The following SGCD variants were observed in gnomAD, a reference collection of about 807,000 sequenced individuals.
SGCD encodes delta-sarcoglycan.
SGCD carries 18 observed loss-of-function variants against 36.6 expected under a neutral mutation model. The observed-to-expected ratio is 0.49, with a 90% CI of 0.34 to 0.73. SGCD has a LOEUF of 0.73. SGCD is among the 30% of genes least tolerant of loss of function. The probability of loss-of-function intolerance (pLI) is 0.01; values close to 1 mark genes in which losing one functional copy is unlikely to be tolerated. For synonymous variants in SGCD, 133 were observed against 130.6 expected (o/e 1.02, Z -0.12); for missense variants, 387 against 346.7 (o/e 1.12, Z -0.92).
chr5:156,638,830 G>C (rs1048326090), intron 6 of SGCD, among the ~76,000 whole-genome samples: 1 of 151,858 alleles, frequency 6.6e-6, no homozygotes, highest in African/African-American at 2.4e-5. Flanking sequence ...GTTTTTATAC[G>C]TGAATCTTAA....
chr5:155,845,228 G>A, the SGCD span, among the ~76,000 whole-genome samples: 1 of 152,112 alleles, frequency 6.6e-6, no homozygotes, highest in Non-Finnish European at 1.5e-5. Context: ...TGAAGCACTT[G>A]GCATAGTCAT....
intron 3 of SGCD, among the ~76,000 whole-genome samples, chr5:156,395,223 CT>C (rs1442819690): frequency 1.3e-5 from 2 of 152,196 alleles, no homozygotes; most frequent in Non-Finnish European, 2.9e-5. Flanking sequence ...AAAGGGAAGA[CT>C]TTAGGAATGC....
chr5:156,666,889 G>C (rs985254674), intron 7 of SGCD, among the ~76,000 whole-genome samples: 1 of 152,198 alleles, frequency 6.6e-6, no homozygotes, highest in African/African-American at 2.4e-5. Context: ...CCCCACAGCA[G>C]TGAGTTGAGA....
chr5:156,653,493 C>CTTTT (rs111458843), intron 7 of SGCD, among the ~76,000 whole-genome samples: 4 of 48,108 alleles, frequency 8.3e-5, no homozygotes, highest in African/African-American at 1.3e-4. Flanking sequence ...CTAAAGCTTG[C>CTTTT]TTTTTTTTTT....
the SGCD span, among the ~76,000 whole-genome samples, chr5:155,730,986 G>A: frequency 6.6e-6 from 1 of 152,218 alleles, no homozygotes; most frequent in African/African-American, 2.4e-5. Flanking sequence ...ACATGCTGGA[G>A]CCTTGACGTT....
intron 6 of SGCD, among the ~76,000 whole-genome samples, chr5:156,643,018 T>C (rs1256170144): frequency 8.4e-6 from 1 of 119,248 alleles, no homozygotes; most frequent in Admixed American, 1.0e-4. Flanking sequence ...TTTTGGGGGG[T>C]TTTTTGTTTT....
At chr5:155,892,830 G>C (rs551129273) in intron 1 of SGCD, among the ~76,000 whole-genome samples, 243 of 152,258 alleles carry the variant, frequency 1.6e-3, no homozygotes, top group African/African-American at 5.2e-3. Flanking sequence ...TGGACAGTAA[G>C]GTTGATTAAG....
At chr5:156,304,030 G>A (rs1012692141) in intron 3 of SGCD, among the ~76,000 whole-genome samples, 13 of 152,058 alleles carry the variant, frequency 8.5e-5, no homozygotes, top group African/African-American at 2.7e-4. Flanking sequence ...CAGAGCACCA[G>A]TACTTGCACA....
At chr5:156,156,295 T>A (rs1762961921) in intron 3 of SGCD, among the ~76,000 whole-genome samples, 1 of 151,492 alleles carries the variant, frequency 6.6e-6, no homozygotes, top group African/African-American at 2.5e-5. Flanking sequence ...TCATTTCTCA[T>A]ATTCCCAAAT....
chr5:156,427,651 C>T (rs1252707028), intron 3 of SGCD, among the ~76,000 whole-genome samples: 1 of 152,106 alleles, frequency 6.6e-6, no homozygotes, highest in Non-Finnish European at 1.5e-5. Context: ...TTTCGCCATG[C>T]AGTCTGATGT....
At chr5:156,572,902 ACTC>A (rs1377816436) in intron 4 of SGCD, among the ~76,000 whole-genome samples, 14 of 151,952 alleles carry the variant, frequency 9.2e-5, no homozygotes, top group Middle Eastern at 3.4e-3. Context: ...CTACAAAATC[ACTC>A]CTCTTGTCTC....
chr5:156,567,143 G>C (rs10079506), intron 4 of SGCD, among the ~76,000 whole-genome samples: 6,373 of 152,114 alleles, frequency 0.042, 432 homozygotes, highest in African/African-American at 0.14. Flanking sequence ...TTTTCTCTTG[G>C]TTAAACTCCC....
chr5:156,361,867 G>A (rs1354039329), intron 3 of SGCD, among the ~76,000 whole-genome samples: 1 of 152,178 alleles, frequency 6.6e-6, no homozygotes, highest in East Asian at 1.9e-4. Context: ...ATCCTCTGAA[G>A]TCTACAGAGA....
intron 1 of SGCD, among the ~76,000 whole-genome samples, chr5:155,879,004 A>G (rs1257687831): frequency 2.0e-5 from 3 of 152,092 alleles, no homozygotes; most frequent in Non-Finnish European, 4.4e-5. Flanking sequence ...GAAGATTTAC[A>G]TTTCATACCA....
intron 3 of SGCD, among the ~76,000 whole-genome samples, chr5:156,380,907 A>G (rs1280661348): frequency 6.6e-6 from 1 of 152,244 alleles, no homozygotes; most frequent in African/African-American, 2.4e-5. Context: ...TAGAAGATGT[A>G]TGCTTTTCCA....
chr5:156,042,229 C>T (rs1278006335), intron 1 of SGCD, among the ~76,000 whole-genome samples: 1 of 151,190 alleles, frequency 6.6e-6, no homozygotes, highest in Non-Finnish European at 1.5e-5. Context: ...AGAACCTCCA[C>T]ATTTTGAGAA....
intron 3 of SGCD, among the ~76,000 whole-genome samples, chr5:156,368,642 C>A (rs994399387): frequency 1.3e-5 from 2 of 151,680 alleles, no homozygotes; most frequent in Non-Finnish European, 1.5e-5. Context: ...CCATCACTTG[C>A]ATTACCACCT....
chr5:155,827,845 A>ATTTTTTTTT, the SGCD span, among the ~76,000 whole-genome samples: 3 of 124,934 alleles, frequency 2.4e-5, no homozygotes, highest in African/African-American at 3.0e-5. Context: ...CACCTGGCTA[A>ATTTTTTTTT]TTTTTTTTTT....
At chr5:156,440,710 T>A (rs999366887) in intron 3 of SGCD, among the ~76,000 whole-genome samples, 1 of 152,170 alleles carries the variant, frequency 6.6e-6, no homozygotes, top group Non-Finnish European at 1.5e-5. Flanking sequence ...TATTGATGAA[T>A]GATAATTGAG....
Sources: gnomAD v4.1 joint callset for allele counts (sites outside exome capture counted in the v4.1 genomes callset) on GRCh38, gnomAD v4.1.1 for gene constraint, MANE v1.5 for transcripts, NCBI Gene and HGNC (gene_info 2026-07-23, HGNC 2026-07-21) for gene names.